C2orf92: variants seen among roughly 807,000 people sequenced by gnomAD.
The protein encoded by C2orf92 is uncharacterized protein C2orf92.
intron 3 of C2orf92, among the ~76,000 whole-genome samples, chr2:97,682,272 A>G (rs536908023): frequency 6.6e-6 from 1 of 152,368 alleles, no homozygotes; most frequent in South Asian, 2.1e-4. Context: ...AGAAGAAATA[A>G]GAAAATCTGA....
chr2:97,681,106 CAAAAAAA>C (rs58856044), intron 3 of C2orf92, among the ~76,000 whole-genome samples: 21 of 11,964 alleles, frequency 1.8e-3, no homozygotes, highest in Non-Finnish European at 4.5e-3. Context: ...GACTCCATCT[CAAAAAAA>C]AAAAAAAAAA....
upstream of C2orf92, chr2:97,667,911 A>G (rs1193956776): frequency 6.6e-6 from 1 of 151,780 alleles, no homozygotes; most frequent in Non-Finnish European, 1.5e-5. Context: ...AGTCTCACCA[A>G]TCTCCTGTCC....
intron 5 of C2orf92, among the ~76,000 whole-genome samples, chr2:97,695,147 AT>A (rs1244831779): frequency 2.0e-5 from 3 of 152,174 alleles, no homozygotes; most frequent in Non-Finnish European, 4.4e-5. Context: ...GATGCGCAAA[AT>A]TTTAAAATTT....
rs1675978676 is a variant in C2orf92 at position 97,686,800 on chromosome 2, A to G, written c.233-2095A>G. Among the ~76,000 whole-genome samples, 3 of 150,784 alleles carry G rather than the reference A, an allele frequency of 2.0e-5. No individual in the cohort carries two copies. The South Asian group carries it at 6.6e-4, about 33-fold the overall frequency. ...GAGGCCAAGGCAAGTGAATTGCTTGAGGTCAGAAGTTCAAGACCAGCCTGG... is the reference window on the plus strand; with the variant it reads ...GAGGCCAAGGCAAGTGAATTGCTTGGGGTCAGAAGTTCAAGACCAGCCTGG... On this transcript the variant is annotated intron_variant, in intron 3 of 7. Coordinates refer to ENST00000627399, the MANE Select transcript of C2orf92 (RefSeq NM_001351368.2).
Position 97,674,536 on chromosome 2 carries a change from A to T in C2orf92, c.127A>T (p.Thr43Ser). 1 of 398,666 alleles carries T rather than the reference A, an allele frequency of 2.5e-6. No individual in the cohort carries two copies. Among genetic ancestry groups the T allele is most frequent in the African/African-American group, 2.1e-5 (1 of 48,766 alleles). 24.7% of individuals were successfully genotyped at this position (398,666 alleles called of 1,614,324 possible). ...AACAAGAACAGCAGTCAGATCCATTACAAAGAGAGACACACAAAAAAGCAA... is the reference window on the plus strand; with the variant it reads ...AACAAGAACAGCAGTCAGATCCATTTCAAAGAGAGACACACAAAAAAGCAA... ...DETRTAVRSITKRDTQKSYSQ... is the reference protein window; with the variant it reads ...DETRTAVRSISKRDTQKSYSQ... The change falls in exon 2 of 8, where the codon ACA (threonine) becomes TCA (serine). Residue 43 changes from threonine to serine, a missense_variant. Physicochemically the swap from Thr to Ser is moderately conservative, Grantham distance 58. Transcript: ENST00000627399.
chr2:97,684,031 ATTTTTTT>A (rs1204247684), intron 3 of C2orf92, among the ~76,000 whole-genome samples: 1 of 107,196 alleles, frequency 9.3e-6, no homozygotes, highest in Non-Finnish European at 1.9e-5. Context: ...TGCCCAGCTA[ATTTTTTT>A]TTTTTTTTTT....
At chr2:97,674,925 A>G (rs2104541950) in intron 2 of C2orf92, among the ~76,000 whole-genome samples, 1 of 152,294 alleles carries the variant, frequency 6.6e-6, no homozygotes, top group Non-Finnish European at 1.5e-5. Context: ...CCAGCGCTTT[A>G]TAGGTCACTG....
chr2:97,684,459 A>G (rs1349969214), intron 3 of C2orf92, among the ~76,000 whole-genome samples: 9 of 152,218 alleles, frequency 5.9e-5, no homozygotes, highest in Admixed American at 5.2e-4. Context: ...ATTACCTTAT[A>G]CCATATACAA....
At chr2:97,673,523 A>G (rs1675481381) in intron 1 of C2orf92, among the ~76,000 whole-genome samples, 1 of 152,134 alleles carries the variant, frequency 6.6e-6, no homozygotes, top group South Asian at 2.1e-4. Flanking sequence ...GAGACATCGA[A>G]TGTCGGTGAA....
chr2:97,693,035 A>C (rs1312702642), intron 5 of C2orf92, among the ~76,000 whole-genome samples: 2 of 152,044 alleles, frequency 1.3e-5, no homozygotes, highest in Non-Finnish European at 2.9e-5. Context: ...TGTTTCTGTG[A>C]GTTGTGTTAC....
Position 97,671,383 on chromosome 2 carries a change from G to A in C2orf92, c.46+1549G>A, listed in dbSNP as rs1675407070. ...GCTGGCCTCGAACTCCTGACCTCAA[G>A]TGATCCTCCCACCTCAGCCTCCCCG... is the stretch of plus-strand genomic sequence containing the variant. On this transcript the variant is annotated intron_variant, in intron 1 of 7. Transcript: ENST00000627399. 3 of 397,470 alleles carry A rather than the reference G, an allele frequency of 7.5e-6. No homozygotes were observed. The Admixed American group carries it at 1.3e-4, about 18-fold the overall frequency. 24.6% of individuals were successfully genotyped at this position (397,470 alleles called of 1,614,324 possible).
chr2:97,699,620 T>A (rs1573230902), intron 6 of C2orf92, among the ~76,000 whole-genome samples: 1 of 151,844 alleles, frequency 6.6e-6, no homozygotes, highest in Non-Finnish European at 1.5e-5. Flanking sequence ...AATAAATAAA[T>A]AAATAAAAAC....
intron 5 of C2orf92, among the ~76,000 whole-genome samples, chr2:97,691,415 C>T (rs1166042175): frequency 6.6e-6 from 1 of 152,174 alleles, no homozygotes; most frequent in Non-Finnish European, 1.5e-5. Context: ...TTCTCCCCTC[C>T]TCCTCAGGAG....
intron 3 of C2orf92, among the ~76,000 whole-genome samples, chr2:97,676,905 C>G (rs775022654): frequency 2.0e-5 from 3 of 152,318 alleles, no homozygotes; most frequent in Admixed American, 6.5e-5. Context: ...TACCCCAAGC[C>G]TCTAATTTAC....
At chr2:97,690,617 G>A (rs1379886046) in intron 5 of C2orf92, among the ~76,000 whole-genome samples, 2 of 151,980 alleles carry the variant, frequency 1.3e-5, no homozygotes, top group South Asian at 2.1e-4. Flanking sequence ...TCCTGACCTC[G>A]TGATCCACCT....
At chr2:97,689,538 A>C (rs907679628) in intron 4 of C2orf92, among the ~76,000 whole-genome samples, 16 of 152,226 alleles carry the variant, frequency 1.1e-4, no homozygotes, top group Non-Finnish European at 1.5e-5. Flanking sequence ...GCACTTTGGG[A>C]ATTAAGATAG....
At chr2:97,686,136 T>C (rs1051537691) in intron 3 of C2orf92, among the ~76,000 whole-genome samples, 2 of 152,170 alleles carry the variant, frequency 1.3e-5, no homozygotes, top group African/African-American at 4.8e-5. Flanking sequence ...AAAGCAGAAA[T>C]GCCATAGAGG....
At chr2:97,676,433 CAAA>C (rs1302287547) in intron 3 of C2orf92, among the ~76,000 whole-genome samples, 2 of 31,114 alleles carry the variant, frequency 6.4e-5, no homozygotes, top group Admixed American at 4.2e-4. Flanking sequence ...GACTCCATCT[CAAA>C]AAAAAAAAAA....
chr2:97,673,208 T>C (rs918820168), intron 1 of C2orf92, among the ~76,000 whole-genome samples: 8 of 152,168 alleles, frequency 5.3e-5, no homozygotes, highest in African/African-American at 1.7e-4. Context: ...CTTTCCCCTT[T>C]GTGTCTGTCG....
Sources: allele counts gnomAD v4.1 joint callset (sites outside exome capture counted in the v4.1 genomes callset), GRCh38; gene constraint gnomAD v4.1.1; transcripts MANE v1.5; gene names NCBI Gene and HGNC (gene_info 2026-07-23, HGNC 2026-07-21).